Variants in PTGR2 observed in about 807,000 individuals in gnomAD.
PTGR2 encodes the protein prostaglandin reductase 2.
Under a neutral mutation model 43.4 loss-of-function variants are expected in PTGR2, and 32 were observed. The observed-to-expected ratio is 0.74, with a 90% CI of 0.56 to 0.99. The LOEUF is 0.99. PTGR2 is among the 50% of genes least tolerant of loss of function. PTGR2 has a pLI of 0.00. For synonymous variants in PTGR2, 106 were observed against 139.2 expected (o/e 0.76, Z 1.68); for missense variants, 373 against 420.0 (o/e 0.89, Z 0.98).
At chr14:73,871,069 A>C (rs2054715597) in intron 3 of PTGR2, among the ~76,000 whole-genome samples, 1 of 152,222 alleles carries the variant, frequency 6.6e-6, no homozygotes. Flanking sequence ...CAACCATATG[A>C]TCAGAGGGTT....
At position 73,879,197 on chromosome 14, in the gene PTGR2, T is replaced by G. The variant is rs943002369; in HGVS notation, c.621T>G (p.Asn207Lys). The G allele has an allele frequency of 5.0e-6, 8 of 1,614,084 alleles. No homozygotes were observed. The highest frequency in any genetic ancestry group is 3.3e-4 in the Middle Eastern group (2 of 6,062). ...TSELGFDAAI[N>K]YKKDNVAEQL... The stretch of plus-strand genomic sequence containing the variant: ...AACTGGGCTTTGATGCTGCAATTAA[T>G]TATAAAAAAGACAATGTGGCAGAAC... Residue 207 changes from asparagine (N) to lysine (K), a missense_variant, in exon 6 of 10, where the codon AAT (asparagine) becomes AAG (lysine). Asn to Lys is a moderately conservative substitution (Grantham distance 94, BLOSUM62 0). Coordinates refer to ENST00000555661, the MANE Select transcript of PTGR2 (RefSeq NM_001146154.2).
chr14:73,883,187 CCTTTTTTTTT>C (rs2055039172), intron 9 of PTGR2, among the ~76,000 whole-genome samples: 2 of 84,356 alleles, frequency 2.4e-5, no homozygotes, highest in African/African-American at 8.9e-5. Flanking sequence ...CCCTCACCTC[CCTTTTTTTTT>C]TTTTTTTTTT....
chr14:73,883,202 T>C (rs1162151655), intron 9 of PTGR2, among the ~76,000 whole-genome samples: 2 of 55,924 alleles, frequency 3.6e-5, no homozygotes, highest in Non-Finnish European at 5.1e-5. Context: ...TTTTTTTTTT[T>C]TTTTTTTTTT....
intron 8 of PTGR2, among the ~76,000 whole-genome samples, 167 bp downstream of exon 8, chr14:73,881,459 T>G (rs1251884865): frequency 6.6e-6 from 1 of 152,198 alleles, no homozygotes; most frequent in Non-Finnish European, 1.5e-5. Flanking sequence ...GAGTATAACC[T>G]CCTGATCAAC....
intron 3 of PTGR2, among the ~76,000 whole-genome samples, chr14:73,870,886 C>T (rs2054711428): frequency 6.6e-6 from 1 of 152,166 alleles, no homozygotes; most frequent in Non-Finnish European, 1.5e-5. Context: ...TAGGGAATTA[C>T]TTGTGTGATA....
chr14:73,883,955 TTTC>T (rs1466626145), intron 9 of PTGR2, 143 bp from the exon 10 acceptor site: 1 of 620,620 alleles, frequency 1.6e-6, no homozygotes, highest in East Asian at 3.0e-5. Flanking sequence ...TTACTTGAGA[TTTC>T]TTTTCATGAC....
intron 3 of PTGR2, among the ~76,000 whole-genome samples, chr14:73,873,611 C>A (rs975684978): frequency 6.6e-6 from 1 of 151,854 alleles, no homozygotes; most frequent in Non-Finnish European, 1.5e-5. Context: ...ATTACAGGCA[C>A]CCGCCATCAT....
chr14:73,874,127 C>T lies in PTGR2; in HGVS notation c.261C>T (p.His87=). The T allele has an allele frequency of 2.5e-6, 4 of 1,613,924 alleles. No homozygotes were observed. The highest frequency in any genetic ancestry group is 3.4e-6 in the Non-Finnish European group (4 of 1,179,960). Residue 87 remains histidine, a synonymous_variant, in exon 4 of 10, where the codon CAC becomes CAT. Transcript: ENST00000555661. ...GGIGIIEESK[H]TNLTKGDFVT... is the part of the protein sequence containing the mutation. Reference sequence around the variant, plus strand: ...TTGGAATTATAGAAGAAAGCAAACACACAAATTTGACTAAAGGCGATTTTG... The same window carrying T: ...TTGGAATTATAGAAGAAAGCAAACATACAAATTTGACTAAAGGCGATTTTG...
At chr14:73,856,797 C>G (rs1481602884) in intron 1 of PTGR2, among the ~76,000 whole-genome samples, 1 of 152,216 alleles carries the variant, frequency 6.6e-6, no homozygotes, top group Non-Finnish European at 1.5e-5. Context: ...CATTTCTCAG[C>G]ATGTATCCCA....
At position 73,884,006 on chromosome 14, in the gene PTGR2, A is replaced by G. The variant is rs934913022; in HGVS notation, c.980-95A>G. 32 of 759,794 alleles carry G rather than the reference A, an allele frequency of 4.2e-5. No individual in the cohort carries two copies. The South Asian group carries it at 5.0e-4, about 12-fold the overall frequency. 47.1% of individuals were successfully genotyped at this position (759,794 alleles called of 1,614,324 possible). A position where few individuals can be genotyped will look rare whatever the true frequency, so the allele number is the denominator to read the frequency against. Reference sequence around the variant, plus strand: ...TGCTTAATATTCAAAATCATTGAAAAAGTTATTTAACATAATTTTATATGT... The same window carrying G: ...TGCTTAATATTCAAAATCATTGAAAGAGTTATTTAACATAATTTTATATGT... On this transcript the variant is annotated intron_variant, in intron 9 of 9. Transcript: ENST00000555661.
At chr14:73,854,204 G>T (rs1489118824) in intron 1 of PTGR2, among the ~76,000 whole-genome samples, 1 of 152,074 alleles carries the variant, frequency 6.6e-6, no homozygotes, top group Non-Finnish European at 1.5e-5. Flanking sequence ...CCAGGTTCAA[G>T]TGATTCTCCT....
intron 3 of PTGR2, among the ~76,000 whole-genome samples, chr14:73,866,535 A>G (rs2054599576): frequency 6.6e-6 from 1 of 152,044 alleles, no homozygotes; most frequent in Admixed American, 6.6e-5. Flanking sequence ...GAAGATTTTG[A>G]TAGGGATTTT....
chr14:73,851,888 A>G lies in PTGR2; in HGVS notation c.-103A>G, dbSNP rs1292023592. 6.6e-6 allele frequency: 1 copy of G among 152,258 alleles called. No individual in the cohort carries two copies. Among genetic ancestry groups the G allele is most frequent in the Admixed American group, 6.5e-5 (1 of 15,284 alleles). 9.4% of individuals were successfully genotyped at this position (152,258 alleles called of 1,614,324 possible). On this transcript the variant is annotated 5_prime_UTR_variant, in exon 1 of 10. Coordinates refer to ENST00000555661, the MANE Select transcript of PTGR2 (RefSeq NM_001146154.2). ...GCCTGGGGGCGAGCTGGGGTCGTGC[A>G]GTACAGCCTCTTTCCGGCAAATCAC...
intron 1 of PTGR2, among the ~76,000 whole-genome samples, chr14:73,856,338 A>G (rs1402440687): frequency 6.6e-6 from 1 of 151,912 alleles, no homozygotes; most frequent in Non-Finnish European, 1.5e-5. Flanking sequence ...CTCCACCTCC[A>G]GGGTTCAAGC....
Position 73,884,207 on chromosome 14 carries a change from G to T in PTGR2, c.*30G>T. On this transcript the variant is annotated 3_prime_UTR_variant, in exon 10 of 10. Coordinates refer to ENST00000555661, the MANE Select transcript of PTGR2 (RefSeq NM_001146154.2). ...TGTAAATGTCATCAAGGCAATCATA[G>T]ATTTCTTTTCCATTTTGCATATTTT... 2.2e-6 allele frequency: 3 copies of T among 1,366,398 alleles called. No individual in the cohort carries two copies. The highest frequency in any genetic ancestry group is 3.1e-6 in the Non-Finnish European group (3 of 970,856). 84.6% of individuals were successfully genotyped at this position (1,366,398 alleles called of 1,614,324 possible). A position where few individuals can be genotyped will look rare whatever the true frequency, so the allele number is the denominator to read the frequency against.
At chr14:73,857,664 G>GTTTTGTTTTTTTTTTTTT (rs2054383610) in intron 1 of PTGR2, among the ~76,000 whole-genome samples, 1 of 64,696 alleles carries the variant, frequency 1.5e-5, no homozygotes, top group African/African-American at 6.2e-5. Context: ...AGCAGTTAGT[G>GTTTTGTTTTTTTTTTTTT]TTTTTTTTTT....
chr14:73,873,177 C>G (rs1300905304), intron 3 of PTGR2, among the ~76,000 whole-genome samples: 1 of 151,668 alleles, frequency 6.6e-6, no homozygotes, highest in Non-Finnish European at 1.5e-5. Flanking sequence ...CATGTTGGCA[C>G]ATGCCTCTAA....
intron 3 of PTGR2, among the ~76,000 whole-genome samples, chr14:73,868,677 C>G (rs2140253029): frequency 6.6e-6 from 1 of 152,176 alleles, no homozygotes; most frequent in Admixed American, 6.5e-5. Flanking sequence ...AAGAACCACC[C>G]CTGTATATCA....
intron 2 of PTGR2, among the ~76,000 whole-genome samples, chr14:73,859,595 C>T (rs1018564812): frequency 1.3e-5 from 2 of 151,630 alleles, no homozygotes; most frequent in East Asian, 1.9e-4. Flanking sequence ...CTTTTATATT[C>T]GTTTAAGTTT....
Sources: gnomAD v4.1 joint callset for allele counts (sites outside exome capture counted in the v4.1 genomes callset) on GRCh38, gnomAD v4.1.1 for gene constraint, MANE v1.5 for transcripts, NCBI Gene and HGNC (gene_info 2026-07-23, HGNC 2026-07-21) for gene names.